CATSPERB: variants seen among roughly 807,000 people sequenced by gnomAD.
CATSPERB encodes cation channel sperm-associated auxiliary subunit beta.
CATSPERB carries 93 observed loss-of-function variants against 128.3 expected under a neutral mutation model. The observed-to-expected ratio is 0.72, with a 90% CI of 0.61 to 0.86. The LOEUF is 0.86. Ranked by LOEUF, CATSPERB falls within the 40% of genes least tolerant of loss-of-function variation. The probability of loss-of-function intolerance (pLI) is 0.00; values close to 1 mark genes in which losing one functional copy is unlikely to be tolerated. For synonymous variants in CATSPERB, 381 were observed against 448.8 expected (o/e 0.85, Z 1.91); for missense variants, 1,153 against 1,329.5 (o/e 0.87, Z 2.06).
intron 4 of CATSPERB, among the ~76,000 whole-genome samples, chr14:91,720,129 C>A (rs780218490): frequency 2.0e-5 from 3 of 152,002 alleles, no homozygotes; most frequent in South Asian, 2.1e-4. Context: ...GCCCAGGGAA[C>A]CTTACTTGGG....
intron 7 of CATSPERB, among the ~76,000 whole-genome samples, chr14:91,703,529 C>T (rs1250966819): frequency 6.6e-6 from 1 of 152,088 alleles, no homozygotes; most frequent in Non-Finnish European, 1.5e-5. Flanking sequence ...AAGCAAGCCA[C>T]GATTAGAAGC....
intron 15 of CATSPERB, among the ~76,000 whole-genome samples, chr14:91,647,276 C>T (rs918950894): frequency 2.0e-5 from 3 of 152,072 alleles, no homozygotes; most frequent in South Asian, 2.1e-4. Context: ...TAATCTTTAT[C>T]GTAAGGGTAG....
intron 24 of CATSPERB, among the ~76,000 whole-genome samples, chr14:91,588,973 A>G (rs1410770466): frequency 6.6e-6 from 1 of 152,216 alleles, no homozygotes; most frequent in Non-Finnish European, 1.5e-5. Flanking sequence ...AATTATTTCT[A>G]TCTACCTACA....
intron 14 of CATSPERB, among the ~76,000 whole-genome samples, chr14:91,663,116 T>C (rs1894913515): frequency 6.6e-6 from 1 of 151,990 alleles, no homozygotes; most frequent in African/African-American, 2.4e-5. Context: ...CCCCTCCTCC[T>C]TTTTTTAAAA....
chr14:91,581,172 A>C, intron 26 of CATSPERB, 65 bp from the exon 27 acceptor site: 2 of 1,294,120 alleles, frequency 1.5e-6, no homozygotes, highest in South Asian at 1.3e-5. Flanking sequence ...CTGAAAATTT[A>C]ATGTTCCCCA....
chr14:91,720,458 A>G (rs1361407538), intron 4 of CATSPERB, among the ~76,000 whole-genome samples: 1 of 151,652 alleles, frequency 6.6e-6, no homozygotes, highest in African/African-American at 2.4e-5. Context: ...AACAATCTGA[A>G]AATGATATTA....
At chr14:91,638,008 A>T (rs1894410621) in intron 16 of CATSPERB, among the ~76,000 whole-genome samples, 1 of 152,178 alleles carries the variant, frequency 6.6e-6, no homozygotes, top group Non-Finnish European at 1.5e-5. Flanking sequence ...TCTCCCAAGG[A>T]AGTTCCTGCC....
chr14:91,646,866 CT>C (rs1211932607), intron 15 of CATSPERB, among the ~76,000 whole-genome samples: 5 of 152,218 alleles, frequency 3.3e-5, no homozygotes, highest in African/African-American at 1.2e-4. Context: ...TCTTTCCCCC[CT>C]AGATACTCTT....
chr14:91,662,474 A>G (rs1894903615), intron 14 of CATSPERB, among the ~76,000 whole-genome samples: 2 of 152,204 alleles, frequency 1.3e-5, no homozygotes, highest in Non-Finnish European at 2.9e-5. Flanking sequence ...CATCTGGATT[A>G]CTTTTAGTAA....
intron 15 of CATSPERB, among the ~76,000 whole-genome samples, chr14:91,645,730 C>T (rs867972119): frequency 0.33 from 45,533 of 137,538 alleles, 7,747 homozygotes; most frequent in African/African-American, 0.41. Flanking sequence ...CTGTGGTGGG[C>T]TCCACCCAGT....
At chr14:91,705,766 T>A (rs1367721239) in intron 6 of CATSPERB, among the ~76,000 whole-genome samples, 1 of 152,206 alleles carries the variant, frequency 6.6e-6, no homozygotes, top group Non-Finnish European at 1.5e-5. Flanking sequence ...GCACTCACTG[T>A]AACTAGAAGA....
intron 11 of CATSPERB, among the ~76,000 whole-genome samples, chr14:91,680,933 C>G (rs886982205): frequency 1.3e-5 from 2 of 152,118 alleles, no homozygotes; most frequent in Non-Finnish European, 2.9e-5. Flanking sequence ...GATTTAGACA[C>G]TACTATTGAC....
At chr14:91,599,102 T>C (rs576700675) in intron 22 of CATSPERB, among the ~76,000 whole-genome samples, 1 of 152,256 alleles carries the variant, frequency 6.6e-6, no homozygotes, top group East Asian at 1.9e-4. Context: ...CTCTCAGACC[T>C]CAGCAAATTG....
At chr14:91,593,978 A>G (rs534824560) in intron 22 of CATSPERB, among the ~76,000 whole-genome samples, 19 of 152,354 alleles carry the variant, frequency 1.2e-4, no homozygotes, top group Admixed American at 2.6e-4. Context: ...TGGGCTTATC[A>G]GGAGTTTCCA....
intron 14 of CATSPERB, among the ~76,000 whole-genome samples, chr14:91,665,733 G>A (rs1437225660): frequency 6.6e-6 from 1 of 152,122 alleles, no homozygotes; most frequent in African/African-American, 2.4e-5. Context: ...AGCTGGGTGT[G>A]GTGGCAGGTG....
intron 18 of CATSPERB, among the ~76,000 whole-genome samples, chr14:91,622,221 T>TTA (rs60272735): frequency 6.6e-6 from 1 of 151,812 alleles, no homozygotes; most frequent in Non-Finnish European, 1.5e-5. Context: ...TTTTTTTTTT[T>TTA]ACTATGGAAA....
At chr14:91,694,119 T>TAAA (rs33993044) in intron 7 of CATSPERB, among the ~76,000 whole-genome samples, 4 of 151,442 alleles carry the variant, frequency 2.6e-5, no homozygotes, top group African/African-American at 9.7e-5. Flanking sequence ...ACATAAATAA[T>TAAA]AAAAAAAAAT....
chr14:91,693,541 G>C (rs1018301836), intron 7 of CATSPERB, 62 bp from the exon 8 acceptor site: 58 of 1,214,672 alleles, frequency 4.8e-5, no homozygotes, highest in Middle Eastern at 3.8e-4. Context: ...CACCTTCAGG[G>C]GCAAGAGCCC....
rs58608847 is a variant in CATSPERB at position 91,652,670 on chromosome 14, C to CA, written c.1432+7166dup. Among the ~76,000 whole-genome samples, 190 of 69,212 alleles carry CA rather than the reference C, an allele frequency of 2.7e-3. 13 individuals are homozygous for CA. Among genetic ancestry groups the CA allele is most frequent in the Non-Finnish European group, 3.9e-3 (155 of 39,850 alleles). 45.4% of individuals were successfully genotyped at this position (69,212 alleles called of 152,430 possible). Reference sequence around the variant, plus strand: ...TGAGCAACAGAGCAAGACTCTGTCTCAAAAAAAAAAAAAAAAAAAAAAAAA... The same window carrying CA: ...TGAGCAACAGAGCAAGACTCTGTCTCAAAAAAAAAAAAAAAAAAAAAAAAAA... On this transcript the variant is annotated intron_variant, in intron 15 of 26. Transcript: ENST00000256343.
Sources: allele counts gnomAD v4.1 joint callset (sites outside exome capture counted in the v4.1 genomes callset), GRCh38; gene constraint gnomAD v4.1.1; transcripts MANE v1.5; gene names NCBI Gene and HGNC (gene_info 2026-07-23, HGNC 2026-07-21).